Variants in ARID1B observed in about 807,000 individuals in gnomAD.
ARID1B encodes the protein AT-rich interaction domain 1B, also known as AT-rich interactive domain-containing protein 1B.
A neutral mutation model predicts 212.3 loss-of-function variants in ARID1B; 30 were observed. The ratio of observed to expected loss-of-function variants is 0.14; its 90% confidence interval spans 0.11 to 0.19. The LOEUF (loss-of-function observed/expected upper bound fraction) is 0.19, where lower values mean the gene tolerates loss of function less well. ARID1B is among the 10% of genes least tolerant of loss of function. ARID1B has a pLI of 1.00. For missense variants in ARID1B, 2,891 were observed against 3,204.0 expected (o/e 0.90, Z 2.36); for synonymous variants, 1,402 against 1,301.7 (o/e 1.08, Z -1.66).
At chr6:156,946,424 T>C (rs80259319) in intron 4 of ARID1B, among the ~76,000 whole-genome samples, 2,529 of 151,792 alleles carry the variant, frequency 0.017, 23 homozygotes, top group South Asian at 0.029. Flanking sequence ...CATTAGTGAG[T>C]GTCCAAGATA....
intron 2 of ARID1B, among the ~76,000 whole-genome samples, chr6:156,857,475 G>A (rs761263739): frequency 6.6e-6 from 1 of 152,084 alleles, no homozygotes; most frequent in Admixed American, 6.5e-5. Context: ...GTTTCAAGAA[G>A]CCCTCTTGCT....
chr6:157,067,227 G>A (rs998172595), intron 4 of ARID1B, among the ~76,000 whole-genome samples: 14 of 152,242 alleles, frequency 9.2e-5, no homozygotes, highest in African/African-American at 3.1e-4. Context: ...AAGGCTGAAT[G>A]GCTAGTAACC....
At chr6:156,804,114 TC>T (rs534361563) in intron 1 of ARID1B, among the ~76,000 whole-genome samples, 137 of 152,112 alleles carry the variant, frequency 9.0e-4, no homozygotes, top group African/African-American at 3.2e-3. Context: ...GACTGGCTGA[TC>T]AGTTGAGGTC....
chr6:157,130,674 T>C (rs976937287), intron 6 of ARID1B, among the ~76,000 whole-genome samples: 1 of 152,240 alleles, frequency 6.6e-6, no homozygotes, highest in East Asian at 1.9e-4. Flanking sequence ...TCTCTTTTTT[T>C]AATTGAAATG....
intron 6 of ARID1B, among the ~76,000 whole-genome samples, chr6:157,131,016 A>G (rs1006521881): frequency 1.2e-4 from 18 of 152,178 alleles, no homozygotes; most frequent in African/African-American, 3.9e-4. Flanking sequence ...AGCTCCATCT[A>G]TGAACTCGCT....
At chr6:156,850,628 A>G (rs1784523669) in intron 2 of ARID1B, among the ~76,000 whole-genome samples, 1 of 152,226 alleles carries the variant, frequency 6.6e-6, no homozygotes, top group Non-Finnish European at 1.5e-5. Context: ...CATTTAATGT[A>G]TAGGCAGTTT....
chr6:157,202,150 C>T (rs1163854331), intron 18 of ARID1B, among the ~76,000 whole-genome samples: 3 of 152,312 alleles, frequency 2.0e-5, no homozygotes, highest in Admixed American at 6.5e-5. Flanking sequence ...CACTGGTAGA[C>T]TTGGGCCAAG....
At chr6:156,904,322 C>T (rs1789188208) in intron 3 of ARID1B, among the ~76,000 whole-genome samples, 1 of 152,180 alleles carries the variant, frequency 6.6e-6, no homozygotes, top group African/African-American at 2.4e-5. Context: ...ATACAGCAAT[C>T]CCTCATTCAT....
intron 4 of ARID1B, among the ~76,000 whole-genome samples, chr6:156,983,228 C>G (rs1777721508): frequency 6.6e-6 from 1 of 151,682 alleles, no homozygotes; most frequent in African/African-American, 2.4e-5. Flanking sequence ...CACCCCATCT[C>G]TACTAAAAAC....
intron 4 of ARID1B, among the ~76,000 whole-genome samples, chr6:156,983,540 G>T (rs1777745518): frequency 1.3e-5 from 2 of 152,164 alleles, no homozygotes; most frequent in Admixed American, 6.5e-5. Flanking sequence ...TGTGAAATAT[G>T]CTCAGGAGTA....
At chr6:156,931,538 G>A (rs776649843) in intron 3 of ARID1B, among the ~76,000 whole-genome samples, 1 of 152,162 alleles carries the variant, frequency 6.6e-6, no homozygotes, top group African/African-American at 2.4e-5. Flanking sequence ...TACGACATTT[G>A]TTACAAGAGG....
chr6:157,021,220 C>G (rs966042121), intron 4 of ARID1B, among the ~76,000 whole-genome samples: 1 of 152,220 alleles, frequency 6.6e-6, no homozygotes, highest in Non-Finnish European at 1.5e-5. Context: ...CACACCTCGC[C>G]TTGGTTTCTT....
At position 157,206,587 on chromosome 6, in the gene ARID1B, C is replaced by A. The variant is rs754572535; in HGVS notation, c.5815C>A (p.Leu1939Ile). The A allele has an allele frequency of 3.1e-6, 5 of 1,614,152 alleles. No individual in the cohort carries two copies. The highest frequency in any genetic ancestry group is 4.2e-6 in the Non-Finnish European group (5 of 1,180,036). ...LGRVQEFNSG[L>I]LHWQLGGGDT... The stretch of plus-strand genomic sequence containing the variant: ...GCGTGTGCAGGAGTTCAATAGTGGC[C>A]TTCTGCACTGGCAGCTCGGCGGGGG... The change falls in exon 20 of 20, where the codon CTT (leucine) becomes ATT (isoleucine). Residue 1939 changes from leucine (L) to isoleucine (I), a missense_variant. By Grantham distance (5) the Leu-to-Ile change is conservative. Transcript: ENST00000636930. This position sits in a 1 kb window ranked among gnomAD's most constrained non-coding sequence, Gnocchi z 6.8.
chr6:156,994,427 A>G (rs1034029197), intron 4 of ARID1B, among the ~76,000 whole-genome samples: 1 of 152,156 alleles, frequency 6.6e-6, no homozygotes, highest in African/African-American at 2.4e-5. Flanking sequence ...CCGGATCTCC[A>G]TAGAAGAATT....
At chr6:157,167,648 T>C (rs137861760) in intron 9 of ARID1B, 1,626 of 154,958 alleles carry the variant, frequency 0.01, 35 homozygotes, top group African/African-American at 0.037. Context: ...AGTAGCTGCT[T>C]CATAAATGCT....
chr6:157,005,132 T>G (rs893232762), intron 4 of ARID1B, among the ~76,000 whole-genome samples: 10 of 148,832 alleles, frequency 6.7e-5, no homozygotes, highest in South Asian at 4.3e-4. Context: ...CAGGCTGTTT[T>G]TTGTTGTTGT....
At chr6:157,095,783 A>G (rs963600645) in intron 5 of ARID1B, among the ~76,000 whole-genome samples, 11 of 152,130 alleles carry the variant, frequency 7.2e-5, no homozygotes, top group East Asian at 3.9e-4. Context: ...CATTTCCACA[A>G]TTGTTACCTG....
intron 2 of ARID1B, among the ~76,000 whole-genome samples, chr6:156,890,151 C>T (rs1045595674): frequency 2.6e-5 from 4 of 152,174 alleles, no homozygotes; most frequent in Admixed American, 6.5e-5. Context: ...GAGGCACTAC[C>T]ATTTAGTTCC....
At chr6:157,129,526 TACAA>T (rs1298360723) in intron 6 of ARID1B, among the ~76,000 whole-genome samples, 1 of 152,140 alleles carries the variant, frequency 6.6e-6, no homozygotes, top group African/African-American at 2.4e-5. Flanking sequence ...AAGTAAATAA[TACAA>T]AGAAAAAAAT....
Sources: gnomAD v4.1 joint callset for allele counts (sites outside exome capture counted in the v4.1 genomes callset) on GRCh38, gnomAD v4.1.1 for gene constraint, Gnocchi (gnomAD v3.1) non-coding constraint, MANE v1.5 for transcripts, NCBI Gene and HGNC (gene_info 2026-07-23, HGNC 2026-07-21) for gene names.